MATCAP2: variants seen among roughly 807,000 people sequenced by gnomAD.
MATCAP2 encodes putative tyrosine carboxypeptidase MATCAP2.
chr7:36,389,728 C>A, the MATCAP2 span: 2 of 340,764 alleles, frequency 5.9e-6, no homozygotes, highest in Non-Finnish European at 1.0e-5. Flanking sequence ...GAGGCGGGGC[C>A]GCCCCTGGGA....
the MATCAP2 span, among the ~76,000 whole-genome samples, chr7:36,376,218 G>A: frequency 6.6e-6 from 1 of 152,106 alleles, no homozygotes; most frequent in East Asian, 1.9e-4. Context: ...GCTTTCTCTT[G>A]TGGGCATTTA....
the MATCAP2 span, among the ~76,000 whole-genome samples, chr7:36,350,532 CTT>C: frequency 0.012 from 1,440 of 117,596 alleles, 6 homozygotes; most frequent in Middle Eastern, 0.057. Flanking sequence ...GACTGTGTTC[CTT>C]TTTTTTTTTT....
At chr7:36,365,891 AACTAT>A in the MATCAP2 span, among the ~76,000 whole-genome samples, 1 of 152,326 alleles carries the variant, frequency 6.6e-6, no homozygotes, top group African/African-American at 2.4e-5. Context: ...CAGATCCTGG[AACTAT>A]GTTTCCTGTC....
chr7:36,361,768 A>G, the MATCAP2 span, among the ~76,000 whole-genome samples: 8 of 152,198 alleles, frequency 5.3e-5, no homozygotes, highest in Admixed American at 5.2e-4. Flanking sequence ...CACCTCAAAC[A>G]GTATCAACAG....
chr7:36,357,833 C>T, the MATCAP2 span, among the ~76,000 whole-genome samples: 2 of 152,146 alleles, frequency 1.3e-5, no homozygotes, highest in East Asian at 3.8e-4. Context: ...CAGCTTCAAA[C>T]CACTTAGATG....
At chr7:36,352,392 A>G in the MATCAP2 span, among the ~76,000 whole-genome samples, 2 of 122,292 alleles carry the variant, frequency 1.6e-5, no homozygotes, top group African/African-American at 5.9e-5. Context: ...GTGAGACTCC[A>G]TCTTAAAAAA....
chr7:36,386,667 A>T, the MATCAP2 span, among the ~76,000 whole-genome samples: 1 of 152,192 alleles, frequency 6.6e-6, no homozygotes, highest in East Asian at 1.9e-4. Flanking sequence ...CAAGGATATA[A>T]AGTTGAAAAT....
chr7:36,363,290 C>T, the MATCAP2 span, among the ~76,000 whole-genome samples: 1 of 152,158 alleles, frequency 6.6e-6, no homozygotes, highest in Non-Finnish European at 1.5e-5. Flanking sequence ...GATATAAAGA[C>T]ACTTCATTTC....
chr7:36,332,753 T>C, the MATCAP2 span, among the ~76,000 whole-genome samples: 1 of 152,084 alleles, frequency 6.6e-6, no homozygotes, highest in Non-Finnish European at 1.5e-5. Context: ...TAGGGTGAAA[T>C]CCCGTCCCTA....
chr7:36,367,254 C>G, the MATCAP2 span: 10 of 1,079,026 alleles, frequency 9.3e-6, no homozygotes, highest in African/African-American at 1.7e-5. Flanking sequence ...CCCCGGGGTC[C>G]GCGCGCGCTG....
the MATCAP2 span, among the ~76,000 whole-genome samples, chr7:36,337,123 A>AAAAAAAAAAAAAC: frequency 1.4e-5 from 2 of 145,484 alleles, no homozygotes; most frequent in Non-Finnish European, 3.0e-5. Context: ...AAAAAAAAAA[A>AAAAAAAAAAAAAC]AAGCAATCAG....
chr7:36,382,177 G>A, the MATCAP2 span, among the ~76,000 whole-genome samples: 1 of 151,258 alleles, frequency 6.6e-6, no homozygotes, highest in Non-Finnish European at 1.5e-5. Context: ...CATGGTGGTG[G>A]GTGCCTGTGA....
chr7:36,354,589 A>AGCT, the MATCAP2 span, among the ~76,000 whole-genome samples: 1 of 152,196 alleles, frequency 6.6e-6, no homozygotes, highest in Non-Finnish European at 1.5e-5. Context: ...CCAGCCTTGA[A>AGCT]GCTGCTGCTT....
the MATCAP2 span, among the ~76,000 whole-genome samples, chr7:36,364,665 G>T: frequency 6.6e-6 from 1 of 152,270 alleles, no homozygotes; most frequent in South Asian, 2.1e-4. Context: ...AGAAGAACAT[G>T]GCCATCTCAG....
the MATCAP2 span, chr7:36,367,036 GGC>G: frequency 3.1e-6 from 4 of 1,276,522 alleles, no homozygotes; most frequent in Non-Finnish European, 3.9e-6. Context: ...GGGCCTCGGT[GGC>G]GGGGGCGCGG....
the MATCAP2 span, chr7:36,367,355 C>A: frequency 1.1e-5 from 11 of 990,772 alleles, no homozygotes; most frequent in Non-Finnish European, 1.3e-5. Flanking sequence ...CAACTCCCGG[C>A]GTGCACAGCG....
the MATCAP2 span, chr7:36,357,343 G>T: frequency 3.8e-5 from 61 of 1,614,028 alleles, no homozygotes; most frequent in Admixed American, 6.2e-4. Context: ...TACGAGAAGT[G>T]TTAGGAGATT....
chr7:36,371,009 A>G, the MATCAP2 span, among the ~76,000 whole-genome samples: 1 of 152,240 alleles, frequency 6.6e-6, no homozygotes, highest in African/African-American at 2.4e-5. Context: ...ATTTAATTTT[A>G]GATTTAAAAT....
chr7:36,367,338 G>A, the MATCAP2 span: 1 of 998,488 alleles, frequency 1.0e-6, no homozygotes, highest in Non-Finnish European at 1.2e-6. Context: ...GAGAGTGGGA[G>A]GAACTACAAC....
Sources: allele counts gnomAD v4.1 joint callset (sites outside exome capture counted in the v4.1 genomes callset), GRCh38; gene constraint gnomAD v4.1.1; transcripts MANE v1.5; gene names NCBI Gene and HGNC (gene_info 2026-07-23, HGNC 2026-07-21).